MECOM: variants seen among roughly 807,000 people sequenced by gnomAD.
MECOM encodes the protein MDS1 and EVI1 complex locus, also known as histone-lysine N-methyltransferase MECOM.
Under a neutral mutation model 116.3 loss-of-function variants are expected in MECOM, and 13 were observed. The ratio of observed to expected loss-of-function variants is 0.11; its 90% CI spans 0.07 to 0.18. MECOM has a LOEUF of 0.18. Among genes scored for constraint, MECOM ranks in the 10% least tolerant of loss-of-function variants. The probability of loss-of-function intolerance (pLI) is 1.00; values close to 1 mark genes in which losing one functional copy is unlikely to be tolerated. For synonymous variants in MECOM, 528 were observed against 535.2 expected, an observed-to-expected ratio of 0.99 and a Z score of 0.19; for missense variants, 1,299 against 1,509.0, an observed-to-expected ratio of 0.86 and a Z score of 2.31.
chr3:169,237,967 G>A (rs1451210069), intron 2 of MECOM, among the ~76,000 whole-genome samples: 1 of 151,906 alleles, frequency 6.6e-6, no homozygotes, highest in Non-Finnish European at 1.5e-5. Flanking sequence ...ACGAGGTAAG[G>A]AGTTCAAGAC....
At chr3:169,162,080 T>C (rs1269892650) in intron 2 of MECOM, among the ~76,000 whole-genome samples, 1 of 152,158 alleles carries the variant, frequency 6.6e-6, no homozygotes, top group Non-Finnish European at 1.5e-5. Flanking sequence ...TTTGGGATAA[T>C]TTGTGGGGCA....
chr3:169,126,859 G>A (rs1435544755), intron 5 of MECOM, among the ~76,000 whole-genome samples: 1 of 151,862 alleles, frequency 6.6e-6, no homozygotes, highest in African/African-American at 2.4e-5. Context: ...GAAACAAAAG[G>A]GTAAACTGAA....
chr3:169,447,396 G>T (rs1226402625), intron 1 of MECOM, among the ~76,000 whole-genome samples: 1 of 152,098 alleles, frequency 6.6e-6, no homozygotes, highest in African/African-American at 2.4e-5. Flanking sequence ...GGCTTTGTAG[G>T]TTAAGATCAC....
chr3:169,161,869 G>A (rs1742898214), intron 2 of MECOM, among the ~76,000 whole-genome samples: 1 of 152,162 alleles, frequency 6.6e-6, no homozygotes. Flanking sequence ...CAATTAGGAT[G>A]TGCCAGCTAT....
At chr3:169,128,793 G>A (rs1733730334) in intron 4 of MECOM, among the ~76,000 whole-genome samples, 1 of 152,128 alleles carries the variant, frequency 6.6e-6, no homozygotes, top group African/African-American at 2.4e-5. Context: ...AAATCAATAA[G>A]ATAAATAAAT....
chr3:169,618,046 C>T (rs1770238629), intron 1 of MECOM, among the ~76,000 whole-genome samples: 1 of 152,194 alleles, frequency 6.6e-6, no homozygotes. Flanking sequence ...ACTTTTCTTC[C>T]TCTCCTCCTT....
intron 1 of MECOM, among the ~76,000 whole-genome samples, chr3:169,390,218 T>C (rs1303690350): frequency 6.6e-6 from 1 of 152,166 alleles, no homozygotes; most frequent in Non-Finnish European, 1.5e-5. Flanking sequence ...TTCTACATAG[T>C]AGAAACCAGA....
chr3:169,381,821 G>C (rs1560203629), intron 1 of MECOM, among the ~76,000 whole-genome samples: 1 of 151,984 alleles, frequency 6.6e-6, no homozygotes, highest in African/African-American at 2.4e-5. Flanking sequence ...CTTCATTATT[G>C]GTCTGACTAA....
intron 2 of MECOM, among the ~76,000 whole-genome samples, chr3:169,210,731 C>A (rs1247563326): frequency 1.3e-5 from 2 of 152,136 alleles, no homozygotes; most frequent in Non-Finnish European, 2.9e-5. Context: ...AGCAGTTCCA[C>A]CTCCCCAGAG....
intron 2 of MECOM, among the ~76,000 whole-genome samples, chr3:169,242,510 CCGAA>C (rs1481262644): frequency 2.0e-5 from 3 of 152,150 alleles, no homozygotes; most frequent in African/African-American, 4.8e-5. Context: ...GAAGACTGCT[CCGAA>C]CCTCATCCCC....
intron 16 of MECOM, chr3:169,086,585 A>G: frequency 1.4e-6 from 1 of 701,264 alleles, no homozygotes; most frequent in Non-Finnish European, 2.6e-6. Context: ...AGATGATAGT[A>G]ATAACAGTAT....
At chr3:169,225,766 C>T (rs150635851) in intron 2 of MECOM, among the ~76,000 whole-genome samples, 32 of 152,248 alleles carry the variant, frequency 2.1e-4, no homozygotes, top group Middle Eastern at 3.4e-3. Flanking sequence ...TGCACCACCA[C>T]GCCTGGATAA....
intron 1 of MECOM, among the ~76,000 whole-genome samples, chr3:169,649,098 C>T (rs569254227): frequency 6.6e-6 from 1 of 152,286 alleles, no homozygotes; most frequent in African/African-American, 2.4e-5. Flanking sequence ...TAAATACATC[C>T]TACATCTTAC....
At chr3:169,221,023 G>A (rs949763675) in intron 2 of MECOM, among the ~76,000 whole-genome samples, 16 of 152,232 alleles carry the variant, frequency 1.1e-4, no homozygotes, top group African/African-American at 3.9e-4. Context: ...GTTTAAAGAT[G>A]TAATTCTAGA....
intron 2 of MECOM, among the ~76,000 whole-genome samples, chr3:169,165,299 A>C (rs1270626833): frequency 6.6e-6 from 1 of 152,208 alleles, no homozygotes; most frequent in Non-Finnish European, 1.5e-5. Context: ...GCACTAAGAA[A>C]ATGAAGTTGT....
chr3:169,387,713 A>G (rs934810715), intron 1 of MECOM, among the ~76,000 whole-genome samples: 2 of 152,122 alleles, frequency 1.3e-5, no homozygotes, highest in African/African-American at 4.8e-5. Context: ...TAATACACAC[A>G]TCCATGTGTA....
intron 1 of MECOM, among the ~76,000 whole-genome samples, chr3:169,614,123 T>TC (rs200636769): frequency 0.12 from 17,800 of 149,686 alleles, 1,426 homozygotes; most frequent in East Asian, 0.25. Context: ...TCTTTTTTTT[T>TC]TCTCTCTCTC....
intron 1 of MECOM, among the ~76,000 whole-genome samples, chr3:169,564,207 G>A (rs977705362): frequency 3.3e-5 from 5 of 152,020 alleles, no homozygotes; most frequent in African/African-American, 9.7e-5. Context: ...TCACTAAGAC[G>A]ACTCAAACAT....
At chr3:169,100,081 C>T (rs112639504) in intron 12 of MECOM, among the ~76,000 whole-genome samples, 3,074 of 122,906 alleles carry the variant, frequency 0.025, 142 homozygotes, top group African/African-American at 0.093. Context: ...TTCTTTTTTT[C>T]TTTCTTTCTT....
Sources: allele counts gnomAD v4.1 joint callset (sites outside exome capture counted in the v4.1 genomes callset), GRCh38; gene constraint gnomAD v4.1.1; transcripts MANE v1.5; gene names NCBI Gene and HGNC (gene_info 2026-07-23, HGNC 2026-07-21).